The following UNC5D variants were observed in gnomAD, a reference collection of about 807,000 sequenced individuals.
UNC5D encodes unc-5 netrin receptor D.
In UNC5D, 39 loss-of-function variants were observed where a neutral mutation model predicts 105.4. The observed-to-expected ratio is 0.37, with a 90% CI of 0.29 to 0.48. UNC5D has a LOEUF of 0.48. UNC5D is among the 20% of genes least tolerant of loss of function. UNC5D has a pLI of 0.98. For missense variants in UNC5D, 991 were observed against 1,202.4 expected, an observed-to-expected ratio of 0.82 and a Z score of 2.60; for synonymous variants, 452 against 450.4, an observed-to-expected ratio of 1.00 and a Z score of -0.04.
At chr8:35,466,812 A>G (rs553250432) in intron 1 of UNC5D, among the ~76,000 whole-genome samples, 203 of 152,292 alleles carry the variant, frequency 1.3e-3, no homozygotes, top group South Asian at 3.9e-3. Flanking sequence ...GCCTCATAGG[A>G]CTTTTCTAGA....
rs145966284 is a variant in UNC5D, at chr8:35,279,269, G to C, written c.103+43382G>C. On this transcript the variant is annotated intron_variant, in intron 1 of 16. Transcript: ENST00000404895. ...CATCCTTCCTTCGGTGTTTCTGAAA[G>C]AAAAAGGTAAATAAAACAAACTCAA... 3.9e-3 allele frequency among the ~76,000 whole-genome samples: 590 copies of C among 152,232 alleles called. 6 individuals are homozygous for C. Among genetic ancestry groups the C allele is most frequent in the African/African-American group, 0.013 (556 of 41,548 alleles).
chr8:35,710,538 C>A (rs1827873672), intron 8 of UNC5D, among the ~76,000 whole-genome samples: 1 of 152,042 alleles, frequency 6.6e-6, no homozygotes, highest in African/African-American at 2.4e-5. Flanking sequence ...GAAGTGCAGG[C>A]TGGTACCATA....
chr8:35,260,795 T>C (rs975319282), intron 1 of UNC5D, among the ~76,000 whole-genome samples: 1 of 152,278 alleles, frequency 6.6e-6, no homozygotes, highest in South Asian at 2.1e-4. Flanking sequence ...CAGCTGTGAC[T>C]CTTAAATGCC....
intron 1 of UNC5D, among the ~76,000 whole-genome samples, chr8:35,281,442 C>G (rs1466951522): frequency 6.7e-6 from 1 of 148,234 alleles, no homozygotes; most frequent in Non-Finnish European, 1.5e-5. Flanking sequence ...TTTTGCCAAA[C>G]TCCTCTTCTT....
At chr8:35,755,050 G>C (rs1218595299) in intron 13 of UNC5D, among the ~76,000 whole-genome samples, 2 of 152,088 alleles carry the variant, frequency 1.3e-5, no homozygotes, top group African/African-American at 2.4e-5. Context: ...ATGCTTGTAT[G>C]TTTGACATCA....
intron 7 of UNC5D, among the ~76,000 whole-genome samples, chr8:35,688,097 A>C (rs1427995089): frequency 6.6e-6 from 1 of 151,964 alleles, no homozygotes; most frequent in African/African-American, 2.4e-5. Flanking sequence ...GCACCACTGC[A>C]CTCCAGCCTG....
At chr8:35,700,503 A>C (rs2131419017) in intron 7 of UNC5D, among the ~76,000 whole-genome samples, 1 of 151,772 alleles carries the variant, frequency 6.6e-6, no homozygotes, top group Non-Finnish European at 1.5e-5. Context: ...AGTTAGTTAG[A>C]CAAACTGTCG....
chr8:35,304,106 C>T (rs1808163796), intron 1 of UNC5D, among the ~76,000 whole-genome samples: 1 of 151,856 alleles, frequency 6.6e-6, no homozygotes, highest in Non-Finnish European at 1.5e-5. Context: ...GAAAAATTGC[C>T]CTGGACTTGG....
chr8:35,593,404 A>G (rs1484235663), intron 3 of UNC5D, among the ~76,000 whole-genome samples: 1 of 152,212 alleles, frequency 6.6e-6, no homozygotes, highest in Non-Finnish European at 1.5e-5. Flanking sequence ...GCACTGAACA[A>G]AACTTCCTTC....
At chr8:35,647,416 G>GTA (rs1240817833) in intron 4 of UNC5D, among the ~76,000 whole-genome samples, 2 of 151,976 alleles carry the variant, frequency 1.3e-5, no homozygotes, top group South Asian at 4.1e-4. Context: ...GTGTGTGTGT[G>GTA]TGATGCTTAT....
intron 1 of UNC5D, among the ~76,000 whole-genome samples, chr8:35,371,900 A>G (rs1802447598): frequency 1.3e-5 from 2 of 152,146 alleles, no homozygotes; most frequent in East Asian, 1.9e-4. Context: ...TGTCCCTTTG[A>G]ATAAAACCAA....
chr8:35,646,650 A>G (rs1234375279), intron 4 of UNC5D, among the ~76,000 whole-genome samples: 2 of 152,138 alleles, frequency 1.3e-5, no homozygotes, highest in African/African-American at 2.4e-5. Context: ...ACACGGGTAT[A>G]TATAAATGTG....
chr8:35,719,239 C>G (rs1828433341), intron 8 of UNC5D, among the ~76,000 whole-genome samples: 1 of 150,940 alleles, frequency 6.6e-6, no homozygotes, highest in African/African-American at 2.4e-5. Flanking sequence ...AGAACTAAAC[C>G]TTGGGGCCAG....
intron 1 of UNC5D, among the ~76,000 whole-genome samples, chr8:35,270,733 C>T (rs928316797): frequency 1.3e-5 from 2 of 151,942 alleles, no homozygotes; most frequent in African/African-American, 2.4e-5. Flanking sequence ...TTTTATGAAC[C>T]TTTTGGCTTT....
chr8:35,616,275 C>T (rs556628641), intron 4 of UNC5D, among the ~76,000 whole-genome samples: 4 of 152,320 alleles, frequency 2.6e-5, no homozygotes, highest in South Asian at 4.1e-4. Flanking sequence ...CCTGATAAAG[C>T]GCTTTATGTG....
intron 1 of UNC5D, among the ~76,000 whole-genome samples, chr8:35,535,526 A>G (rs1814769957): frequency 6.6e-6 from 1 of 151,860 alleles, no homozygotes; most frequent in Non-Finnish European, 1.5e-5. Context: ...ATGTACATAA[A>G]GCTCTTTACC....
chr8:35,672,234 T>C (rs1301882894), intron 4 of UNC5D, among the ~76,000 whole-genome samples: 1 of 152,182 alleles, frequency 6.6e-6, no homozygotes, highest in African/African-American at 2.4e-5. Flanking sequence ...ATATATTACA[T>C]GGTAACAGGA....
intron 3 of UNC5D, among the ~76,000 whole-genome samples, chr8:35,571,025 A>G (rs1212070284): frequency 1.3e-5 from 2 of 152,084 alleles, no homozygotes; most frequent in Non-Finnish European, 2.9e-5. Flanking sequence ...ATATATATAC[A>G]CATAGAGAGA....
At chr8:35,559,914 A>G (rs894714957) in intron 2 of UNC5D, among the ~76,000 whole-genome samples, 1 of 152,196 alleles carries the variant, frequency 6.6e-6, no homozygotes, top group African/African-American at 2.4e-5. Context: ...CATTTTTCTC[A>G]TTTAAACAAA....
Sources: gnomAD v4.1 joint callset for allele counts (sites outside exome capture counted in the v4.1 genomes callset) on GRCh38, gnomAD v4.1.1 for gene constraint, MANE v1.5 for transcripts, NCBI Gene and HGNC (gene_info 2026-07-23, HGNC 2026-07-21) for gene names.